Variants in SYNE1 observed in about 807,000 individuals in gnomAD.
The protein encoded by SYNE1 is nesprin-1.
SYNE1 carries 616 observed loss-of-function variants against 1,111.0 expected under a neutral mutation model. The ratio of observed to expected loss-of-function variants is 0.55; its 90% confidence interval spans 0.52 to 0.59. The LOEUF (loss-of-function observed/expected upper bound fraction) is 0.59. SYNE1 is among the 20% of genes least tolerant of loss of function. The probability of loss-of-function intolerance (pLI) is 0.00; values close to 1 mark genes in which losing one functional copy is unlikely to be tolerated. For missense variants in SYNE1, 10,006 were observed against 10,417.0 expected (o/e 0.96, Z 1.72); for synonymous variants, 3,855 against 3,825.8 (o/e 1.01, Z -0.28).
At chr6:152,207,924 C>A (rs779457096) in intron 125 of SYNE1, 48 bp downstream of exon 125, 21 of 1,586,908 alleles carry the variant, frequency 1.3e-5, no homozygotes, top group Non-Finnish European at 1.7e-5. Context: ...GTAAAGTGTG[C>A]GGTGGAAATG....
At chr6:152,538,627 T>TTA (rs2099255092) in intron 4 of SYNE1, among the ~76,000 whole-genome samples, 1 of 146,548 alleles carries the variant, frequency 6.8e-6, no homozygotes, top group African/African-American at 2.6e-5. Context: ...CTTTTCATTT[T>TTA]GAAAAAAAAA....
intron 32 of SYNE1, among the ~76,000 whole-genome samples, chr6:152,438,193 G>A (rs577735987): frequency 9.2e-5 from 14 of 152,252 alleles, no homozygotes; most frequent in East Asian, 3.9e-4. Flanking sequence ...TACTATATCT[G>A]ACAGTCATGG....
rs755622688 is a variant in SYNE1 at position 152,149,570 on chromosome 6, C to G, written c.24549G>C (p.Ala8183=). The G allele has an allele frequency of 1.2e-6, 2 of 1,614,150 alleles. No homozygotes were observed. Among genetic ancestry groups the G allele is most frequent in the Admixed American group, 1.7e-5 (1 of 60,020 alleles). The stretch of plus-strand genomic sequence containing the variant: ...GCTCATCTAGTTCCTCCTCGATGAT[C>G]GCTGCATCCAAGGGCTCACTCTTTT... ...LIEKSEPLDA[A]IIEEELDELR... is the part of the protein sequence containing the mutation. The change falls in exon 136 of 146, where the codon GCG becomes GCC. Residue 8183 remains alanine, a synonymous_variant. Coordinates refer to ENST00000367255, the MANE Select transcript of SYNE1 (RefSeq NM_182961.4).
chr6:152,303,605 T>C (rs2095277044), intron 91 of SYNE1, among the ~76,000 whole-genome samples: 1 of 152,110 alleles, frequency 6.6e-6, no homozygotes, highest in Non-Finnish European at 1.5e-5. Flanking sequence ...TTCACAGATA[T>C]TCCAGTTTCT....
At chr6:152,310,131 A>C in intron 89 of SYNE1, 114 bp from the exon 90 acceptor site, 2 of 1,365,060 alleles carry the variant, frequency 1.5e-6, no homozygotes, top group Non-Finnish European at 2.0e-6. Flanking sequence ...CAAAAAAAAA[A>C]AAATGTTTAA....
At chr6:152,421,416 C>T (rs1270317568) in intron 39 of SYNE1, among the ~76,000 whole-genome samples, 1 of 151,942 alleles carries the variant, frequency 6.6e-6, no homozygotes, top group African/African-American at 2.4e-5. Context: ...ATAATTAGGC[C>T]AAGTATAATA....
intron 96 of SYNE1, among the ~76,000 whole-genome samples, chr6:152,283,345 G>A (rs191774204): frequency 5.1e-4 from 78 of 152,244 alleles, no homozygotes; most frequent in Middle Eastern, 6.8e-3. Context: ...AAATGCTGTC[G>A]TGTAAACATA....
intron 128 of SYNE1, among the ~76,000 whole-genome samples, chr6:152,186,325 G>A (rs939406194): frequency 6.6e-6 from 1 of 152,112 alleles, no homozygotes; most frequent in African/African-American, 2.4e-5. Flanking sequence ...GGGAGGCTGA[G>A]GTGGGCAGAT....
intron 53 of SYNE1, 96 bp from the exon 54 acceptor site, chr6:152,387,477 T>C (rs532431252): frequency 3.2e-6 from 4 of 1,262,110 alleles, no homozygotes; most frequent in Non-Finnish European, 3.4e-6. Flanking sequence ...AATTGTTTTA[T>C]TGAATGCTAC....
At chr6:152,619,700 C>T (rs1422706593) in intron 3 of SYNE1, among the ~76,000 whole-genome samples, 1 of 151,934 alleles carries the variant, frequency 6.6e-6, no homozygotes, top group Non-Finnish European at 1.5e-5. Context: ...GGGAGGGTTG[C>T]CCAAGGAAAG....
chr6:152,520,715 C>G (rs2099134797), intron 5 of SYNE1, among the ~76,000 whole-genome samples, 173 bp from the exon 6 acceptor site: 1 of 152,180 alleles, frequency 6.6e-6, no homozygotes, highest in African/African-American at 2.4e-5. Flanking sequence ...CCCCATGGCA[C>G]TCTGAAGATA....
intron 46 of SYNE1, chr6:152,402,357 G>T (rs907898005): frequency 2.6e-5 from 4 of 152,154 alleles, no homozygotes; most frequent in Admixed American, 1.3e-4. Context: ...CATTGCTAAG[G>T]TCTGTTTATC....
chr6:152,243,157 T>C (rs1282815649), intron 106 of SYNE1, among the ~76,000 whole-genome samples: 1 of 152,226 alleles, frequency 6.6e-6, no homozygotes, highest in Non-Finnish European at 1.5e-5. Context: ...AAACTGTCCA[T>C]GTGGCTGAGG....
At chr6:152,289,815 A>G (rs1208371198) in intron 95 of SYNE1, among the ~76,000 whole-genome samples, 1 of 151,630 alleles carries the variant, frequency 6.6e-6, no homozygotes, top group Non-Finnish European at 1.5e-5. Flanking sequence ...TTTAGTAGAG[A>G]CGGGGTTTCA....
Position 152,281,878 on chromosome 6 carries a change from C to T in SYNE1, c.18310G>A (p.Ala6104Thr). The change falls in exon 97 of 146, where the codon GCC (alanine) becomes ACC (threonine). Residue 6104 changes from alanine (A) to threonine (T), a missense_variant. Physicochemically the swap from Ala to Thr is moderately conservative, Grantham distance 58. This residue lies in a region of SYNE1 where 99 missense variants were observed against 147.8 expected (regional missense o/e 0.67). Coordinates refer to ENST00000367255, the MANE Select transcript of SYNE1 (RefSeq NM_182961.4). Reference protein sequence around the residue: ...ELDSWLLSTKATLDTALSPPK... With the variant: ...ELDSWLLSTKTTLDTALSPPK... ...GGACTCAGCGCAGTGTCCAGAGTGG[C>T]CTTGGTACTCAAGAGCCAGCTGTCC... 2 of 1,614,164 alleles carry T rather than the reference C, an allele frequency of 1.2e-6. No homozygotes were observed. The highest frequency in any genetic ancestry group is 1.1e-5 in the South Asian group (1 of 91,072).
At chr6:152,602,025 G>A (rs1320857563) in intron 3 of SYNE1, among the ~76,000 whole-genome samples, 1 of 152,008 alleles carries the variant, frequency 6.6e-6, no homozygotes, top group Non-Finnish European at 1.5e-5. Flanking sequence ...CCAAAGTCAG[G>A]AGCTTGGAGA....
At chr6:152,247,482 C>T (rs1049204439) in intron 105 of SYNE1, among the ~76,000 whole-genome samples, 4 of 151,800 alleles carry the variant, frequency 2.6e-5, no homozygotes, top group Admixed American at 2.0e-4. Context: ...TGGAATCACA[C>T]ATACATTATA....
rs1025675567 is a variant in SYNE1, at chr6:152,455,609, C to G, written c.2728-19G>C. 1.2e-6 allele frequency: 2 copies of G among 1,613,952 alleles called. No individual in the cohort carries two copies. Among genetic ancestry groups the G allele is most frequent in the African/African-American group, 2.7e-5 (2 of 75,030 alleles). On this transcript the variant is annotated intron_variant, in intron 23 of 145. Transcript: ENST00000367255. ...CCATACTCTTGATGTGAAAAACAAT[C>G]ATAATGTGATGCTGCTTTCTCATTA...
Position 152,539,945 on chromosome 6 carries a change from G to A in SYNE1, c.129+15C>T. The A allele has an allele frequency of 6.2e-7, 1 of 1,613,662 alleles. No individual in the cohort carries two copies. The highest frequency in any genetic ancestry group is 8.5e-7 in the Non-Finnish European group (1 of 1,179,696). On this transcript the variant is annotated intron_variant, in intron 4 of 145. Coordinates refer to ENST00000367255, the MANE Select transcript of SYNE1 (RefSeq NM_182961.4). ...CAACCTAAGTAAACCTGTAATGCTG[G>A]GTAGTTTCCTTTACCTTGGCCAGAT...
Sources: allele counts gnomAD v4.1 joint callset (sites outside exome capture counted in the v4.1 genomes callset), GRCh38; gene constraint gnomAD v4.1.1; regional missense constraint gnomAD v4.1.1; transcripts MANE v1.5; gene names NCBI Gene and HGNC (gene_info 2026-07-23, HGNC 2026-07-21).